SPAG16: variants seen among roughly 807,000 people sequenced by gnomAD.
The protein encoded by SPAG16 is sperm-associated antigen 16 protein.
Under a neutral mutation model 80.4 loss-of-function variants are expected in SPAG16, and 86 were observed. That is an observed-to-expected ratio of 1.07 (90% confidence interval 0.90 to 1.28). SPAG16 has a LOEUF of 1.28. Ranked by LOEUF, SPAG16 falls within the 50% of genes most tolerant of loss-of-function variation. SPAG16 has a pLI of 0.00. For synonymous variants in SPAG16, 294 were observed against 265.9 expected, an observed-to-expected ratio of 1.11 and a Z score of -1.03; for missense variants, 870 against 765.3, an observed-to-expected ratio of 1.14 and a Z score of -1.61.
At chr2:214,087,527 G>T (rs10490491) in intron 13 of SPAG16, among the ~76,000 whole-genome samples, 19,041 of 152,072 alleles carry the variant, frequency 0.13, 1,369 homozygotes, top group Admixed American at 0.18. Context: ...TCTAAAAGAT[G>T]TCACATGATA....
intron 10 of SPAG16, among the ~76,000 whole-genome samples, chr2:213,733,518 T>C (rs1347439091): frequency 7.6e-6 from 1 of 131,528 alleles, no homozygotes; most frequent in Non-Finnish European, 1.7e-5. Flanking sequence ...TTTTTTTTTT[T>C]TGGTGTGTGT....
chr2:213,904,764 AAGAT>A (rs1392926628), intron 11 of SPAG16, among the ~76,000 whole-genome samples: 1 of 152,146 alleles, frequency 6.6e-6, no homozygotes, highest in African/African-American at 2.4e-5. Flanking sequence ...TTCAGGAAGA[AAGAT>A]AGCAAGAGCA....
intron 15 of SPAG16, among the ~76,000 whole-genome samples, chr2:214,359,246 A>G (rs1699015472): frequency 6.6e-6 from 1 of 151,894 alleles, no homozygotes; most frequent in African/African-American, 2.4e-5. Context: ...TGAGAAAATA[A>G]TCTTAGAGAA....
chr2:213,633,592 G>A (rs992575563), intron 10 of SPAG16, among the ~76,000 whole-genome samples: 1 of 152,100 alleles, frequency 6.6e-6, no homozygotes, highest in Non-Finnish European at 1.5e-5. Flanking sequence ...TATAGTGCCA[G>A]TAAGATCTGT....
chr2:213,356,648 T>C (rs1350200453), intron 7 of SPAG16, among the ~76,000 whole-genome samples: 1 of 152,318 alleles, frequency 6.6e-6, no homozygotes, highest in Admixed American at 6.5e-5. Context: ...CTTTCTTCTT[T>C]ATTAGTCTTG....
chr2:213,966,504 AC>A (rs2044717512), intron 12 of SPAG16, among the ~76,000 whole-genome samples: 1 of 152,176 alleles, frequency 6.6e-6, no homozygotes, highest in Admixed American at 6.5e-5. Context: ...AAATATTAAT[AC>A]AAACATTGCT....
rs927484394 is a variant in SPAG16 at position 213,701,440 on chromosome 2, G to A, written c.1071-161045G>A. On this transcript the variant is annotated intron_variant, in intron 10 of 15. Transcript: ENST00000331683. ...TCACTCTTGGCGCCTCCTCGGTCTC[G>A]GTGTCCACTCTGGCCACGCTTGAGG... Among the ~76,000 whole-genome samples, 138 of 152,222 alleles carry A rather than the reference G, an allele frequency of 9.1e-4. 1 individual carries two copies. The highest frequency in any genetic ancestry group is 4.3e-4 in the Non-Finnish European group (29 of 68,004).
intron 9 of SPAG16, among the ~76,000 whole-genome samples, chr2:213,456,362 C>T (rs1185541862): frequency 6.6e-6 from 1 of 152,156 alleles, no homozygotes; most frequent in Non-Finnish European, 1.5e-5. Context: ...ATCCCAAACT[C>T]TATTAAGAAA....
At chr2:213,823,209 A>G (rs953517161) in intron 10 of SPAG16, among the ~76,000 whole-genome samples, 1 of 152,116 alleles carries the variant, frequency 6.6e-6, no homozygotes, top group Non-Finnish European at 1.5e-5. Flanking sequence ...AAGTGTTCCT[A>G]TTTCTCCACA....
intron 15 of SPAG16, among the ~76,000 whole-genome samples, chr2:214,368,521 T>C (rs1699622162): frequency 6.6e-6 from 1 of 152,098 alleles, no homozygotes; most frequent in Non-Finnish European, 1.5e-5. Flanking sequence ...GCTACTCATC[T>C]CAGGTTAGCA....
At chr2:213,807,776 G>T (rs1487925797) in intron 10 of SPAG16, among the ~76,000 whole-genome samples, 1 of 152,100 alleles carries the variant, frequency 6.6e-6, no homozygotes, top group African/African-American at 2.4e-5. Flanking sequence ...AGACATATTA[G>T]GACTAAAGAT....
intron 5 of SPAG16, among the ~76,000 whole-genome samples, chr2:213,319,436 T>A (rs757380990): frequency 6.6e-6 from 1 of 151,872 alleles, no homozygotes; most frequent in African/African-American, 2.4e-5. Flanking sequence ...TAATGTACCA[T>A]TTAGAATTTT....
chr2:214,241,890 A>T (rs5838419), intron 15 of SPAG16, among the ~76,000 whole-genome samples: 1,816 of 54,876 alleles, frequency 0.033, 89 homozygotes, highest in East Asian at 0.32. Context: ...TAAGTTGTAT[A>T]AAAAAAAAAA....
Position 213,920,648 on chromosome 2 carries a change from G to T in SPAG16, c.1215-9312G>T, listed in dbSNP as rs2078176098. ...CCTGCTTGTTCTACAAGCAGGCATGGCCAGGCTGGGGCCCTGGAAGAGGCC... is the reference window on the plus strand; with the variant it reads ...CCTGCTTGTTCTACAAGCAGGCATGTCCAGGCTGGGGCCCTGGAAGAGGCC... On this transcript the variant is annotated intron_variant, in intron 11 of 15. Transcript: ENST00000331683. Among the ~76,000 whole-genome samples the T allele has an allele frequency of 3.9e-5, 6 of 152,194 alleles. No individual in the cohort carries two copies. In the South Asian group the frequency reaches 1.2e-3, roughly 31 times the overall value.
intron 11 of SPAG16, among the ~76,000 whole-genome samples, chr2:213,907,158 C>T (rs2077464963): frequency 6.6e-6 from 1 of 152,014 alleles, no homozygotes; most frequent in Non-Finnish European, 1.5e-5. Flanking sequence ...TCAAAGGACT[C>T]AACAGCAAAA....
At chr2:214,335,527 T>A (rs1196938692) in intron 15 of SPAG16, among the ~76,000 whole-genome samples, 1 of 151,758 alleles carries the variant, frequency 6.6e-6, no homozygotes, top group African/African-American at 2.4e-5. Flanking sequence ...AAGTAAAAAC[T>A]GTACATGATT....
chr2:213,645,006 C>A (rs1298846696), intron 10 of SPAG16, among the ~76,000 whole-genome samples: 1 of 152,172 alleles, frequency 6.6e-6, no homozygotes, highest in Admixed American at 6.5e-5. Context: ...GGACTAGAGT[C>A]AAAAACCTTA....
At chr2:213,391,303 G>T (rs1031833568) in intron 9 of SPAG16, among the ~76,000 whole-genome samples, 6 of 152,060 alleles carry the variant, frequency 3.9e-5, no homozygotes, top group Admixed American at 3.9e-4. Context: ...ATAATATTTT[G>T]TTAAGGGAAA....
At chr2:213,882,864 T>C in intron 11 of SPAG16, among the ~76,000 whole-genome samples, 1 of 152,230 alleles carries the variant, frequency 6.6e-6, no homozygotes, top group South Asian at 2.1e-4. Context: ...TTTGTTTTTG[T>C]TTTTCTTTTT....
Sources: gnomAD v4.1 joint callset for allele counts (sites outside exome capture counted in the v4.1 genomes callset) on GRCh38, gnomAD v4.1.1 for gene constraint, MANE v1.5 for transcripts, NCBI Gene and HGNC (gene_info 2026-07-23, HGNC 2026-07-21) for gene names.